Variants in HERC5 observed in about 807,000 individuals in gnomAD.
The protein encoded by HERC5 is E3 ISG15--protein ligase HERC5.
Under a neutral mutation model 119.6 loss-of-function variants are expected in HERC5, and 99 were observed. That is an observed-to-expected ratio of 0.83 (90% CI 0.70 to 0.98). HERC5 has a LOEUF of 0.98. Among genes scored for constraint, HERC5 ranks in the 50% least tolerant of loss-of-function variants. The pLI, the probability that HERC5 is intolerant of heterozygous loss-of-function variation, is 0.00. For synonymous variants in HERC5, 478 were observed against 445.9 expected (o/e 1.07, Z -0.91); for missense variants, 1,267 against 1,241.3 (o/e 1.02, Z -0.31).
At chr4:88,484,676 A>T (rs1347018740) in intron 13 of HERC5, among the ~76,000 whole-genome samples, 3 of 152,150 alleles carry the variant, frequency 2.0e-5, no homozygotes, top group African/African-American at 7.2e-5. Context: ...GTTCATCCTT[A>T]CCTGATGGTT....
rs778626830 is a variant in HERC5 at position 88,462,173 on chromosome 4, C to A, written c.505C>A (p.Gln169Lys). Residue 169 changes from glutamine (Q) to lysine (K), a missense_variant, in exon 4 of 23, where the codon CAG (glutamine) becomes AAG (lysine). Gln to Lys is a moderately conservative substitution (Grantham distance 53). Coordinates refer to ENST00000264350, the MANE Select transcript of HERC5 (RefSeq NM_016323.4). ...LFAWGQNLHG[Q>K]LGVGRKFPST... ...TGCCTGGGGACAGAACCTGCATGGG[C>A]AGCTTGGAGTTGGAAGGAAATTTCC... 4.3e-6 allele frequency: 7 copies of A among 1,614,086 alleles called. No homozygotes were observed. Among genetic ancestry groups the A allele is most frequent in the Non-Finnish European group, 5.9e-6 (7 of 1,179,998 alleles).
At chr4:88,474,097 A>G (rs1241154275) in intron 11 of HERC5, among the ~76,000 whole-genome samples, 1 of 152,262 alleles carries the variant, frequency 6.6e-6, no homozygotes, top group Non-Finnish European at 1.5e-5. Context: ...GAAGAATAAA[A>G]GAGACATACT....
intron 12 of HERC5, among the ~76,000 whole-genome samples, chr4:88,478,615 A>G (rs894426025): frequency 6.6e-6 from 1 of 152,080 alleles, no homozygotes; most frequent in African/African-American, 2.4e-5. Flanking sequence ...GCTTTAAAAA[A>G]ATATTTTTTT....
intron 19 of HERC5, 124 bp downstream of exon 19, chr4:88,500,116 T>A (rs547750937): frequency 7.8e-6 from 5 of 641,410 alleles, no homozygotes; most frequent in Non-Finnish European, 1.3e-5. Flanking sequence ...AAAGGTATTG[T>A]TCTTCATCAT....
Position 88,462,304 on chromosome 4 carries a change from T to A in HERC5, c.636T>A (p.Ile212=). The change falls in exon 4 of 23, where the codon ATT becomes ATA. Residue 212 remains isoleucine (I), a synonymous_variant. Coordinates refer to ENST00000264350, the MANE Select transcript of HERC5 (RefSeq NM_016323.4). The part of the protein sequence containing the change: ...HSMALSMSGN[I]YSWGKNECGQ... ...TGGCCTTATCCATGTCTGGCAACAT[T>A]TATTCATGGGGAAAAAATGAATGTG... 6.2e-7 allele frequency: 1 copy of A among 1,614,194 alleles called. No individual in the cohort carries two copies. The highest frequency in any genetic ancestry group is 8.5e-7 in the Non-Finnish European group (1 of 1,180,042).
chr4:88,494,692 A>G (rs1429628734), intron 18 of HERC5, among the ~76,000 whole-genome samples: 2 of 152,240 alleles, frequency 1.3e-5, no homozygotes, highest in African/African-American at 4.8e-5. Context: ...TTAAAAGACA[A>G]GCCACCACCT....
chr4:88,478,736 C>T (rs1349720690), intron 12 of HERC5, among the ~76,000 whole-genome samples: 1 of 152,020 alleles, frequency 6.6e-6, no homozygotes, highest in Non-Finnish European at 1.5e-5. Flanking sequence ...CTCAGCCTCC[C>T]GAGTAGCTGG....
At chr4:88,466,576 C>G (rs1481072678) in intron 6 of HERC5, among the ~76,000 whole-genome samples, 1 of 152,092 alleles carries the variant, frequency 6.6e-6, no homozygotes, top group Non-Finnish European at 1.5e-5. Context: ...AGGTTACCTC[C>G]TAGGAACAGG....
rs569191152 is a variant in HERC5 at position 88,479,586 on chromosome 4, A to T, written c.1737+79A>T. On this transcript the variant is annotated intron_variant, in intron 13 of 22. Coordinates refer to ENST00000264350, the MANE Select transcript of HERC5 (RefSeq NM_016323.4). ...TCCTTTCAGCTGGCTTGAATCTTTA[A>T]GTAGACTCGTGTGAGACATACGAAG... 5 of 1,229,132 alleles carry T rather than the reference A, an allele frequency of 4.1e-6. No homozygotes were observed. The South Asian group carries it at 5.4e-5, about 13-fold the overall frequency. 76.1% of individuals were successfully genotyped at this position (1,229,132 alleles called of 1,614,324 possible).
chr4:88,480,956 G>A (rs1310397809), intron 13 of HERC5, among the ~76,000 whole-genome samples: 2 of 151,920 alleles, frequency 1.3e-5, no homozygotes, highest in East Asian at 1.9e-4. Context: ...TTGCTTTATG[G>A]TATTTTTTGA....
chr4:88,487,375 G>A (rs1325154948), intron 15 of HERC5, among the ~76,000 whole-genome samples, 196 bp downstream of exon 15: 2 of 152,178 alleles, frequency 1.3e-5, no homozygotes, highest in Admixed American at 6.5e-5. Context: ...AGGCAAATTA[G>A]GGCCTTGGTA....
intron 16 of HERC5, among the ~76,000 whole-genome samples, chr4:88,490,389 C>T (rs1741596180): frequency 6.6e-6 from 1 of 152,120 alleles, no homozygotes; most frequent in Admixed American, 6.5e-5. Context: ...GGATTTGGGC[C>T]TGGCCATTAA....
chr4:88,496,581 A>G (rs1456709739), intron 18 of HERC5, among the ~76,000 whole-genome samples: 2 of 152,308 alleles, frequency 1.3e-5, no homozygotes, highest in East Asian at 3.9e-4. Context: ...AAAAAATGAT[A>G]TCTATCTGGG....
At chr4:88,466,583 CAG>C (rs1026238449) in intron 6 of HERC5, among the ~76,000 whole-genome samples, 3 of 152,158 alleles carry the variant, frequency 2.0e-5, no homozygotes, top group Non-Finnish European at 4.4e-5. Flanking sequence ...CTCCTAGGAA[CAG>C]GGCACCAGCC....
At chr4:88,459,317 C>A in intron 1 of HERC5, 30 bp from the exon 2 acceptor site, 1 of 1,520,404 alleles carries the variant, frequency 6.6e-7, no homozygotes, top group East Asian at 2.4e-5. Flanking sequence ...ATCAAAGTGA[C>A]AATAGTTCCT....
In HERC5 at chr4:88,505,920, G is replaced by GTTT; in HGVS notation, c.*44_*45insTTT. 2.0e-6 allele frequency: 2 copies of GTTT among 1,024,738 alleles called. No individual in the cohort carries two copies. The highest frequency in any genetic ancestry group is 3.2e-5 in the South Asian group (2 of 62,346). The allele number at this position is 1,024,738 out of a possible 1,614,324, so 63.5% of individuals were successfully genotyped here. A position where few individuals can be genotyped will look rare whatever the true frequency, so the allele number is the denominator to read the frequency against. On this transcript the variant is annotated 3_prime_UTR_variant, in exon 23 of 23. Transcript: ENST00000264350. Reference sequence around the variant, plus strand: ...ACAGCCTTATTTTGTTGTTGTTATCGTTGTTGTTGTTGTTGTTGTTGTTGT... The same window carrying GTTT: ...ACAGCCTTATTTTGTTGTTGTTATCGTTTTTGTTGTTGTTGTTGTTGTTGTTGT...
chr4:88,468,248 T>C, intron 7 of HERC5, 98 bp from the exon 8 acceptor site: 2 of 834,962 alleles, frequency 2.4e-6, no homozygotes, highest in Non-Finnish European at 3.8e-6. Context: ...GAAGAAAAGA[T>C]GACTACGTTT....
intron 19 of HERC5, 81 bp downstream of exon 19, chr4:88,500,073 T>A: frequency 1.2e-6 from 1 of 857,650 alleles, no homozygotes; most frequent in Non-Finnish European, 1.9e-6. Context: ...TGTCAACTTT[T>A]ACTTAAAAAA....
At chr4:88,488,933 T>C (rs920472860) in intron 15 of HERC5, among the ~76,000 whole-genome samples, 1 of 152,216 alleles carries the variant, frequency 6.6e-6, no homozygotes, top group African/African-American at 2.4e-5. Context: ...GTAACTTACT[T>C]GCTCATCCAG....
Sources: allele counts gnomAD v4.1 joint callset (sites outside exome capture counted in the v4.1 genomes callset), GRCh38; gene constraint gnomAD v4.1.1; transcripts MANE v1.5; gene names NCBI Gene and HGNC (gene_info 2026-07-23, HGNC 2026-07-21).